Variants in VTI1A observed in about 807,000 individuals in gnomAD.
VTI1A encodes vesicle transport through interaction with t-SNAREs homolog 1A.
Under a neutral mutation model 34.9 loss-of-function variants are expected in VTI1A, and 22 were observed. The ratio of observed to expected loss-of-function variants is 0.63; its 90% CI spans 0.45 to 0.90. VTI1A has a LOEUF of 0.90. Among genes scored for constraint, VTI1A ranks in the 40% least tolerant of loss-of-function variants. The pLI is 0.00. For missense variants in VTI1A, 268 were observed against 275.6 expected (o/e 0.97, Z 0.20); for synonymous variants, 87 against 97.3 (o/e 0.89, Z 0.62).
intron 5 of VTI1A, among the ~76,000 whole-genome samples, chr10:112,648,927 A>G (rs1846903409): frequency 6.6e-6 from 1 of 152,168 alleles, no homozygotes; most frequent in African/African-American, 2.4e-5. Context: ...CTCATCTATT[A>G]AGAGGTTTCT....
intron 7 of VTI1A, among the ~76,000 whole-genome samples, chr10:112,683,886 T>C (rs1848306548): frequency 6.6e-6 from 1 of 152,030 alleles, no homozygotes; most frequent in African/African-American, 2.4e-5. Flanking sequence ...CCACTAAAAG[T>C]ACAAAAATTG....
At chr10:112,576,137 C>CAGCCTCCTGAG (rs554847755) in intron 5 of VTI1A, among the ~76,000 whole-genome samples, 2 of 152,000 alleles carry the variant, frequency 1.3e-5, no homozygotes, top group South Asian at 4.2e-4. Flanking sequence ...TCTCCTGCCT[C>CAGCCTCCTGAG]AGCCTCCTGA....
Position 112,527,116 on chromosome 10 carries a change from A to T in VTI1A, c.294A>T (p.Glu98Asp). The change falls in exon 4 of 8, where the codon GAA (glutamate) becomes GAT (aspartate). Residue 98 changes from glutamate (E) to aspartate (D), a missense_variant. Physicochemically the swap from Glu to Asp is conservative, Grantham distance 45. Transcript: ENST00000393077. The part of the protein sequence containing the change: ...FKRSRIAYSD[E>D]VRNELLGDDG... ...GGTCACGGATCGCCTACAGTGACGA[A>T]GTACGGAATGAGCTCCTGGGGGATG... is the stretch of plus-strand genomic sequence containing the variant. 6.2e-7 allele frequency: 1 copy of T among 1,613,478 alleles called. No individual in the cohort carries two copies. Among genetic ancestry groups the T allele is most frequent in the Non-Finnish European group, 8.5e-7 (1 of 1,179,690 alleles).
rs75661703 is a variant in VTI1A at position 112,750,905 on chromosome 10, A to G, written c.561-64385A>G. ...CAACCTCGGCCTTTAGTATCTCACT[A>G]TCTTTGAGATAACAAAGGTTTCCAC... On this transcript the variant is annotated intron_variant, in intron 7 of 7. Coordinates refer to ENST00000393077, the MANE Select transcript of VTI1A (RefSeq NM_145206.4). 7.1e-3 allele frequency among the ~76,000 whole-genome samples: 1,081 copies of G among 152,318 alleles called. 17 individuals carry two copies. The highest frequency in any genetic ancestry group is 0.024 in the African/African-American group (1,011 of 41,574).
chr10:112,536,884 A>G (rs1453822459), intron 4 of VTI1A, among the ~76,000 whole-genome samples: 1 of 152,042 alleles, frequency 6.6e-6, no homozygotes, highest in Non-Finnish European at 1.5e-5. Context: ...GGTAATGATA[A>G]CATACTAATC....
chr10:112,812,931 T>C (rs1050777863), intron 7 of VTI1A, among the ~76,000 whole-genome samples: 1 of 152,236 alleles, frequency 6.6e-6, no homozygotes, highest in African/African-American at 2.4e-5. Context: ...GAGATTTTCC[T>C]GCAAATTAAT....
intron 5 of VTI1A, among the ~76,000 whole-genome samples, chr10:112,606,370 T>C (rs1213083167): frequency 6.6e-6 from 1 of 152,068 alleles, no homozygotes; most frequent in Non-Finnish European, 1.5e-5. Context: ...GAGCATCAAG[T>C]CTTCATGCCC....
At chr10:112,641,621 G>C (rs541036385) in intron 5 of VTI1A, among the ~76,000 whole-genome samples, 1 of 152,156 alleles carries the variant, frequency 6.6e-6, no homozygotes, top group African/African-American at 2.4e-5. Context: ...AGCCCCACTC[G>C]TAGAAGGTCA....
At position 112,611,737 on chromosome 10, in the gene VTI1A, A is replaced by ATTTTTTTTTTTTT. The variant is rs3057346; in HGVS notation, c.428-56471_428-56459dup. 2.4e-3 allele frequency among the ~76,000 whole-genome samples: 239 copies of ATTTTTTTTTTTTT among 100,776 alleles called. 19 individuals carry two copies. Among genetic ancestry groups the ATTTTTTTTTTTTT allele is most frequent in the African/African-American group, 9.2e-3 (206 of 22,340 alleles). The allele number at this position is 100,776 out of a possible 152,430, so 66.1% of individuals were successfully genotyped here. ...TAAAGCCCATTTGGTGAGAAAGGTA[A>ATTTTTTTTTTTTT]TTTTTTTTTTTTTTTTTTTTTTGTG... On this transcript the variant is annotated intron_variant, in intron 5 of 7. Transcript: ENST00000393077.
chr10:112,501,824 A>C (rs997309478), intron 3 of VTI1A, among the ~76,000 whole-genome samples: 2 of 152,162 alleles, frequency 1.3e-5, no homozygotes, highest in Non-Finnish European at 2.9e-5. Flanking sequence ...TAAAAGGGAT[A>C]ATGCATGAGT....
At chr10:112,589,437 C>T (rs1284510452) in intron 5 of VTI1A, among the ~76,000 whole-genome samples, 1 of 152,100 alleles carries the variant, frequency 6.6e-6, no homozygotes, top group Non-Finnish European at 1.5e-5. Flanking sequence ...ACTGTAAGTT[C>T]CACCCAGCCA....
chr10:112,574,845 C>T (rs368281468), intron 5 of VTI1A, among the ~76,000 whole-genome samples: 3 of 152,156 alleles, frequency 2.0e-5, no homozygotes, highest in Admixed American at 2.0e-4. Context: ...GGAAATGTTG[C>T]GTGAATTTGA....
At chr10:112,790,254 T>A (rs560168336) in intron 7 of VTI1A, among the ~76,000 whole-genome samples, 1 of 152,346 alleles carries the variant, frequency 6.6e-6, no homozygotes, top group Admixed American at 6.5e-5. Context: ...GCTTACATCC[T>A]CTGCAGTGAT....
chr10:112,468,008 A>G (rs1234347440), intron 3 of VTI1A, among the ~76,000 whole-genome samples: 4 of 152,258 alleles, frequency 2.6e-5, no homozygotes, highest in African/African-American at 4.8e-5. Flanking sequence ...GTAGAGATAC[A>G]TTATGTAAAG....
At chr10:112,608,046 G>A (rs1845155130) in intron 5 of VTI1A, among the ~76,000 whole-genome samples, 1 of 152,152 alleles carries the variant, frequency 6.6e-6, no homozygotes, top group Admixed American at 6.5e-5. Flanking sequence ...ATACAACGTG[G>A]GAGGGACTAC....
Position 112,779,094 on chromosome 10 carries a change from GAGAA to G in VTI1A, c.561-36190_561-36187del, listed in dbSNP as rs139055790. On this transcript the variant is annotated intron_variant, in intron 7 of 7. Transcript: ENST00000393077. ...TTTATCGCAGCTTGAAAAGGAACGA[GAGAA>G]AGAAATACCAAAGGGTACACATACT... is the stretch of plus-strand genomic sequence containing the variant. 3.8e-3 allele frequency among the ~76,000 whole-genome samples: 584 copies of G among 152,304 alleles called. 5 individuals carry two copies. Among genetic ancestry groups the G allele is most frequent in the African/African-American group, 0.014 (565 of 41,572 alleles).
intron 7 of VTI1A, among the ~76,000 whole-genome samples, chr10:112,796,243 T>C (rs2134064975): frequency 6.6e-6 from 1 of 151,812 alleles, no homozygotes; most frequent in South Asian, 2.1e-4. Flanking sequence ...TACTAAAAAA[T>C]GTTTTTAAAA....
chr10:112,802,276 A>G (rs1852902474), intron 7 of VTI1A, among the ~76,000 whole-genome samples: 1 of 152,148 alleles, frequency 6.6e-6, no homozygotes, highest in Non-Finnish European at 1.5e-5. Flanking sequence ...GTACTCAATG[A>G]CTGTGTCTAT....
At chr10:112,464,433 C>G in intron 2 of VTI1A, 114 bp from the exon 3 acceptor site, 1 of 858,142 alleles carries the variant, frequency 1.2e-6, no homozygotes, top group Admixed American at 2.6e-5. Context: ...CACCCTGAAC[C>G]TGGTGCCTCA....
Sources: gnomAD v4.1 joint callset for allele counts (sites outside exome capture counted in the v4.1 genomes callset) on GRCh38, gnomAD v4.1.1 for gene constraint, MANE v1.5 for transcripts, NCBI Gene and HGNC (gene_info 2026-07-23, HGNC 2026-07-21) for gene names.